POLA1: variants seen among roughly 807,000 people sequenced by gnomAD.
POLA1 encodes the protein DNA polymerase alpha 1, catalytic subunit.
Under a neutral mutation model 124.0 loss-of-function variants are expected in POLA1, and 15 were observed. The observed-to-expected ratio is 0.12, with a 90% CI of 0.08 to 0.19. The LOEUF (loss-of-function observed/expected upper bound fraction) is 0.19, where lower values mean the gene tolerates loss of function less well. Among genes scored for constraint, POLA1 ranks in the 10% least tolerant of loss-of-function variants. The pLI is 1.00. For missense variants in POLA1, 886 were observed against 1,103.4 expected, an observed-to-expected ratio of 0.80 and a Z score of 2.79; for synonymous variants, 408 against 389.4, an observed-to-expected ratio of 1.05 and a Z score of -0.56.
intron 15 of POLA1, among the ~76,000 whole-genome samples, chrX:24,731,094 C>G (rs1930876931): frequency 8.9e-6 from 1 of 112,170 alleles, no homozygotes; most frequent in South Asian, 3.8e-4. Flanking sequence ...CATTATGTGC[C>G]TGTGCCTTTG....
intron 35 of POLA1, among the ~76,000 whole-genome samples, chrX:24,919,409 AGTCTTCGTAACAGTGCCTTGAG>A (rs1253161472): frequency 9.0e-6 from 1 of 111,199 alleles, no homozygotes; most frequent in African/African-American, 3.3e-5. Context: ...TATCTCATTC[AGTCTTCGTAACAGTGCCTTGAG>A]GTCATGTTCC....
At position 24,727,930 on chromosome X, in the gene POLA1, A is replaced by G. The variant is rs942474936; in HGVS notation, c.1680A>G (p.Gln560=). The part of the protein sequence containing the change: ...MKTMQNAKNH[Q]NEIIAMAALV... ...CAATGCAGAATGCAAAGAACCATCA[A>G]AATGAGGTTTAAAAAATAGGACAGA... The change falls in exon 15 of 37, where the codon CAA becomes CAG. Residue 560 remains glutamine (Q), a synonymous_variant. Coordinates refer to ENST00000379068, the MANE Select transcript of POLA1 (RefSeq NM_001330360.2). 1.2e-5 allele frequency: 14 copies of G among 1,204,798 alleles called. No homozygotes were observed. The highest frequency in any genetic ancestry group is 1.5e-5 in the Non-Finnish European group (13 of 890,879).
In POLA1 at chrX:24,735,407, G is replaced by A; in HGVS notation, c.1842G>A (p.Lys614=). ...FKEVIEKKNV[K]VEVAATERTL... is the part of the protein sequence containing the mutation. ...GTGTTTTTATCTAACAGAATGTGAA[G>A]GTTGAGGTTGCTGCAACAGAAAGAA... Residue 614 remains lysine (K), a synonymous_variant, in exon 18 of 37, where the codon AAG becomes AAA. Transcript: ENST00000379068. The A allele has an allele frequency of 8.4e-7, 1 of 1,191,618 alleles. No homozygotes were observed. The highest frequency in any genetic ancestry group is 1.1e-6 in the Non-Finnish European group (1 of 877,260).
At chrX:24,993,421 C>T (rs1452751274) in intron 36 of POLA1, among the ~76,000 whole-genome samples, 1 of 112,558 alleles carries the variant, frequency 8.9e-6, no homozygotes, top group African/African-American at 3.2e-5. Flanking sequence ...ACCTGACCTG[C>T]AGCACCTGAG....
intron 35 of POLA1, among the ~76,000 whole-genome samples, chrX:24,888,517 T>A (rs1168298978): frequency 9.1e-6 from 1 of 109,902 alleles, no homozygotes; most frequent in Non-Finnish European, 1.9e-5. Context: ...GGGTTTTTGG[T>A]CCCCTCTGCT....
At chrX:24,904,424 TG>T (rs2047329447) in intron 35 of POLA1, among the ~76,000 whole-genome samples, 1 of 108,192 alleles carries the variant, frequency 9.2e-6, no homozygotes, top group Non-Finnish European at 1.9e-5. Context: ...GGCTTTCTTT[TG>T]TTTTTTTTTT....
At chrX:24,989,668 C>T (rs2048514056) in intron 36 of POLA1, among the ~76,000 whole-genome samples, 1 of 110,626 alleles carries the variant, frequency 9.0e-6, no homozygotes, top group African/African-American at 3.3e-5. Flanking sequence ...TCACTGTAGT[C>T]ACTATCCCAT....
chrX:24,739,572 A>C, intron 20 of POLA1, 22 bp downstream of exon 20: 1 of 1,035,309 alleles, frequency 9.7e-7, no homozygotes, highest in Non-Finnish European at 1.3e-6. Flanking sequence ...GATTCTTCAG[A>C]ATTCATCTGT....
At chrX:24,811,641 GGT>G (rs1569321377) in intron 28 of POLA1, among the ~76,000 whole-genome samples, 3 of 74,857 alleles carry the variant, frequency 4.0e-5, no homozygotes, top group Non-Finnish European at 9.1e-5. Flanking sequence ...GAAATTCAAA[GGT>G]TTTTTTTTTT....
chrX:24,989,330 ACT>A (rs776933543), intron 36 of POLA1, among the ~76,000 whole-genome samples: 1 of 110,564 alleles, frequency 9.0e-6, no homozygotes, highest in South Asian at 3.9e-4. Flanking sequence ...ATTCGACTTG[ACT>A]CTGTCCCAAC....
intron 26 of POLA1, among the ~76,000 whole-genome samples, chrX:24,771,424 A>C (rs1034615619): frequency 8.9e-5 from 10 of 111,822 alleles, no homozygotes; most frequent in African/African-American, 3.3e-4. Flanking sequence ...TTAGTACCTC[A>C]TACAGTAAAA....
At chrX:24,823,260 G>A (rs1420564497) in intron 31 of POLA1, among the ~76,000 whole-genome samples, 1 of 111,549 alleles carries the variant, frequency 9.0e-6, no homozygotes, top group Non-Finnish European at 1.9e-5. Context: ...ATTTGCCTTT[G>A]TACCCTACCC....
intron 36 of POLA1, among the ~76,000 whole-genome samples, chrX:24,950,492 C>G (rs1271028510): frequency 8.9e-6 from 1 of 112,318 alleles, no homozygotes; most frequent in Non-Finnish European, 1.9e-5. Context: ...ATTTAACAGT[C>G]TTATTCTTTT....
chrX:24,743,096 TC>T (rs1260572076), intron 22 of POLA1, 133 bp from the exon 23 acceptor site: 1 of 369,727 alleles, frequency 2.7e-6, no homozygotes, highest in Non-Finnish European at 4.7e-6. Context: ...TAACTGTCTT[TC>T]CCAACAGATA....
At chrX:24,751,668 A>G (rs1932327730) in intron 26 of POLA1, among the ~76,000 whole-genome samples, 2 of 112,206 alleles carry the variant, frequency 1.8e-5, no homozygotes, top group African/African-American at 3.2e-5. Flanking sequence ...ACTTACAAAT[A>G]TTATTTCCTA....
At chrX:24,844,023 A>G (rs2046442980) in intron 34 of POLA1, among the ~76,000 whole-genome samples, 1 of 111,765 alleles carries the variant, frequency 8.9e-6, no homozygotes, top group African/African-American at 3.2e-5. Context: ...ATAAAGGAAG[A>G]AAAAAATCAC....
intron 4 of POLA1, among the ~76,000 whole-genome samples, chrX:24,711,802 T>A (rs1294225680): frequency 8.9e-6 from 1 of 111,967 alleles, no homozygotes; most frequent in African/African-American, 3.2e-5. Context: ...TTCACCATGT[T>A]GGCCAGGCTG....
chrX:24,811,141 G>C (rs771544906), intron 28 of POLA1, among the ~76,000 whole-genome samples: 1 of 109,826 alleles, frequency 9.1e-6, no homozygotes, highest in Admixed American at 9.6e-5. Context: ...TTTTTGTAGA[G>C]ATTTTTTTTG....
At chrX:24,981,073 C>T (rs1266632443) in intron 36 of POLA1, among the ~76,000 whole-genome samples, 1 of 112,271 alleles carries the variant, frequency 8.9e-6, no homozygotes, top group Non-Finnish European at 1.9e-5. Context: ...GCTATGCTTC[C>T]CTTCACTTGA....
Sources: allele counts gnomAD v4.1 joint callset (sites outside exome capture counted in the v4.1 genomes callset), GRCh38; gene constraint gnomAD v4.1.1; transcripts MANE v1.5; gene names NCBI Gene and HGNC (gene_info 2026-07-23, HGNC 2026-07-21).